KIF7: variants seen among roughly 807,000 people sequenced by gnomAD.
KIF7 encodes the protein kinesin family member 7, also known as kinesin-like protein KIF7.
A neutral mutation model predicts 135.7 loss-of-function variants in KIF7; 104 were observed. The ratio of observed to expected loss-of-function variants is 0.77; its 90% CI spans 0.65 to 0.90. The LOEUF is 0.90. Among genes scored for constraint, KIF7 ranks in the 40% least tolerant of loss-of-function variants. KIF7 has a pLI of 0.00. For missense variants in KIF7, 2,005 were observed against 1,839.1 expected (o/e 1.09, Z -1.65); for synonymous variants, 883 against 809.4 (o/e 1.09, Z -1.54).
intron 10 of KIF7, among the ~76,000 whole-genome samples, chr15:89,642,682 G>A (rs1003035996): frequency 6.6e-6 from 1 of 152,244 alleles, no homozygotes; most frequent in African/African-American, 2.4e-5. Context: ...TGATTCTGCT[G>A]CCTCAGCCTC....
At position 89,619,296 on chromosome 15, in the gene KIF7, G is replaced by A. The variant is rs140496989; in HGVS notation, c.181-1101C>T. 9.2e-3 allele frequency among the ~76,000 whole-genome samples: 1,195 copies of A among 130,298 alleles called. 20 individuals carry two copies. Among genetic ancestry groups the A allele is most frequent in the African/African-American group, 0.034 (1,147 of 33,852 alleles). 85.5% of individuals were successfully genotyped at this position (130,298 alleles called of 152,430 possible). A position where few individuals can be genotyped will look rare whatever the true frequency, so the allele number is the denominator to read the frequency against. The stretch of plus-strand genomic sequence containing the variant: ...GCTGGAGTGCACTGGCATGCTCTCC[G>A]CTCACTGCAACCTCCACCTCCCAGG... On this transcript the variant is annotated intron_variant and NMD_transcript_variant, in intron 1 of 2. Coordinates refer to the KIF7 transcript ENST00000558928.
At chr15:89,650,020 C>T (rs1369842503) in intron 2 of KIF7, 79 bp from the exon 3 acceptor site, 1 of 1,380,012 alleles carries the variant, frequency 7.2e-7, no homozygotes, top group Non-Finnish European at 1.0e-6. Context: ...CTCATAGGCC[C>T]CTGCCAGAGC....
At chr15:89,634,067 G>C (rs551887126) in intron 11 of KIF7, among the ~76,000 whole-genome samples, 184 bp from the exon 12 acceptor site, 36 of 152,336 alleles carry the variant, frequency 2.4e-4, no homozygotes, top group Middle Eastern at 3.4e-3. Context: ...GAGAGGCTGA[G>C]GCGGGCGGAT....
chr15:89,637,842 C>T (rs542940702), intron 11 of KIF7, among the ~76,000 whole-genome samples: 1 of 135,354 alleles, frequency 7.4e-6, no homozygotes, highest in East Asian at 2.0e-4. Flanking sequence ...CATCCTGATA[C>T]CAAAGCCGGG....
At chr15:89,648,211 T>C in intron 5 of KIF7, 44 bp downstream of exon 5, 6 of 1,448,446 alleles carry the variant, frequency 4.1e-6, no homozygotes, top group Non-Finnish European at 5.5e-6. Context: ...TCTCCACCAC[T>C]CCCCACTGCC....
chr15:89,631,592 C>G lies in KIF7; in HGVS notation c.3014G>C (p.Gly1005Ala). ...CTCCTGGCGCAGGCTGTCGATCTCC[C>G]CGCGGATCTGCTGCTGGCTCTGGGC... ...GSAQSQQQIRGEIDSLRQEKD... is the reference protein window; with the variant it reads ...GSAQSQQQIRAEIDSLRQEKD... The change falls in exon 15 of 19, where the codon GGG (glycine) becomes GCG (alanine). Residue 1005 changes from glycine to alanine, a missense_variant. Coordinates refer to ENST00000394412, the MANE Select transcript of KIF7 (RefSeq NM_198525.3). The G allele has an allele frequency of 6.4e-7, 1 of 1,564,718 alleles. No individual in the cohort carries two copies. Among genetic ancestry groups the G allele is most frequent in the Admixed American group, 1.9e-5 (1 of 53,886 alleles).
downstream of KIF7, chr15:89,627,548 A>G (rs933619525): frequency 1.3e-5 from 2 of 157,692 alleles, no homozygotes; most frequent in Non-Finnish European, 2.8e-5. Flanking sequence ...TGGGCAGTGG[A>G]AGCTATTTTT....
Position 89,652,849 on chromosome 15 carries a change from T to C in KIF7, c.82A>G (p.Lys28Glu). ...VALRVRPLLP[K>E]ELLHGHQSCL... ...CTCTGATGCCCGTGCAGCAGCTCCT[T>C]GGGCAGCAGTGGTCGAACTCGCAGG... Residue 28 changes from lysine to glutamate, a missense_variant, in exon 2 of 19, where the codon AAG (lysine) becomes GAG (glutamate). Coordinates refer to ENST00000394412, the MANE Select transcript of KIF7 (RefSeq NM_198525.3). 6.5e-7 allele frequency: 1 copy of C among 1,548,510 alleles called. No homozygotes were observed. The highest frequency in any genetic ancestry group is 8.7e-7 in the Non-Finnish European group (1 of 1,145,818).
At chr15:89,617,689 CTTTTT>C (rs35732953) in intron 2 of KIF7, among the ~76,000 whole-genome samples, 5 of 98,770 alleles carry the variant, frequency 5.1e-5, no homozygotes, top group Admixed American at 2.2e-4. Context: ...ACCCAGCTAT[CTTTTT>C]TTTTTTTTTT....
chr15:89,633,086 C>T, intron 13 of KIF7, 55 bp downstream of exon 13: 1 of 1,600,472 alleles, frequency 6.2e-7, no homozygotes. Flanking sequence ...GAGAAAGGTG[C>T]ACCCACCAGC....
At chr15:89,624,559 C>T, downstream of KIF7, 1 of 1,613,742 alleles carries the variant, frequency 6.2e-7, no homozygotes, top group Non-Finnish European at 8.5e-7. Context: ...CCCAGCTGCC[C>T]CCACAGACTC....
chr15:89,638,190 G>A (rs12595421), intron 11 of KIF7, among the ~76,000 whole-genome samples: 99,370 of 123,532 alleles, frequency 0.8, 41,515 homozygotes, highest in Non-Finnish European at 0.92. Context: ...CCCACAGCCA[G>A]TATCATAATG....
rs184038436 is a variant in KIF7, at chr15:89,648,974, C to T, written c.923G>A (p.Arg308Gln). The T allele has an allele frequency of 2.0e-6, 3 of 1,534,266 alleles. No individual in the cohort carries two copies. The highest frequency in any genetic ancestry group is 2.0e-5 in the Admixed American group (1 of 50,584). ...ACATAGGAGCCAGGGGGCAGCTCAC[C>T]GGGTGATCTTGGAGTCGCGGTAGGG... The part of the protein sequence containing the change: ...HIPYRDSKIT[R>Q]ILKDSLGGNA... Residue 308 changes from arginine (R) to glutamine (Q), a missense_variant and splice_region_variant, in exon 4 of 19, where the codon CGG becomes CAG. Transcript: ENST00000394412.
At chr15:89,635,267 C>T (rs1255300890) in intron 11 of KIF7, among the ~76,000 whole-genome samples, 2 of 152,186 alleles carry the variant, frequency 1.3e-5, no homozygotes, top group Non-Finnish European at 2.9e-5. Flanking sequence ...AAAAGCGGAG[C>T]GCCTCTCCTC....
rs763506306 is a variant in KIF7, at chr15:89,628,737, A to G, written c.3714T>C (p.Asn1238=). 1 of 1,612,438 alleles carries G rather than the reference A, an allele frequency of 6.2e-7. No individual in the cohort carries two copies. Among genetic ancestry groups the G allele is most frequent in the African/African-American group, 1.3e-5 (1 of 74,830 alleles). ...CGGGTGCCAGGTGGAGCTCATCTTCATTTCCAGGAGCCTGTCTGCCCTCCG... is the reference window on the plus strand; with the variant it reads ...CGGGTGCCAGGTGGAGCTCATCTTCGTTTCCAGGAGCCTGTCTGCCCTCCG... ...LCSEGRQAPG[N]EDELHLAPEL... The change falls in exon 19 of 19, where the codon AAT becomes AAC. Residue 1238 remains asparagine, a synonymous_variant. Coordinates refer to ENST00000394412, the MANE Select transcript of KIF7 (RefSeq NM_198525.3).
At chr15:89,635,965 C>CT (rs1483162765) in intron 11 of KIF7, among the ~76,000 whole-genome samples, 5 of 152,130 alleles carry the variant, frequency 3.3e-5, no homozygotes, top group Admixed American at 1.3e-4. Context: ...GCCCATCAGA[C>CT]TAACAGCGGA....
In KIF7 at chr15:89,647,264, C is replaced by T. The variant is rs576256419; in HGVS notation, c.1561-207G>A. ...CCATCACACTCCTATCCTGCCAGAC[C>T]GCCACCTCCAACCGCCGCCACCAGA... On this transcript the variant is annotated intron_variant, in intron 6 of 18. Transcript: ENST00000394412. 4.1e-4 allele frequency among the ~76,000 whole-genome samples: 63 copies of T among 152,238 alleles called. 1 individual carries two copies. In the South Asian group the frequency reaches 0.013, roughly 31 times the overall value.
At chr15:89,647,316 T>C (rs905734506) in intron 6 of KIF7, among the ~76,000 whole-genome samples, 2 of 152,154 alleles carry the variant, frequency 1.3e-5, no homozygotes, top group Non-Finnish European at 2.9e-5. Flanking sequence ...GCTGACCTGG[T>C]GACGCCCGGC....
At chr15:89,647,491 C>A in intron 6 of KIF7, 105 bp downstream of exon 6, 1 of 993,582 alleles carries the variant, frequency 1.0e-6, no homozygotes, top group East Asian at 2.4e-5. Context: ...ACCCCTACCC[C>A]GCAGTACCCT....
Sources: allele counts gnomAD v4.1 joint callset (sites outside exome capture counted in the v4.1 genomes callset), GRCh38; gene constraint gnomAD v4.1.1; transcripts MANE v1.5; gene names NCBI Gene and HGNC (gene_info 2026-07-23, HGNC 2026-07-21).